The following CHSY1 variants were observed in gnomAD, a reference collection of about 807,000 sequenced individuals.
CHSY1 encodes the protein N-acetylgalactosaminyl-proteoglycan 3-beta-glucuronosyltransferase 1.
CHSY1 carries 13 observed loss-of-function variants against 59.8 expected under a neutral mutation model. The ratio of observed to expected loss-of-function variants is 0.22; its 90% CI spans 0.14 to 0.35. The LOEUF is 0.35. CHSY1 is among the 10% of genes least tolerant of loss of function. The pLI, the probability that CHSY1 is intolerant of heterozygous loss-of-function variation, is 1.00. For synonymous variants in CHSY1, 459 were observed against 401.2 expected, an observed-to-expected ratio of 1.14 and a Z score of -1.72; for missense variants, 947 against 1,030.6, an observed-to-expected ratio of 0.92 and a Z score of 1.11.
intron 2 of CHSY1, among the ~76,000 whole-genome samples, chr15:101,204,039 G>A (rs2038599801): frequency 6.6e-6 from 1 of 152,146 alleles, no homozygotes; most frequent in African/African-American, 2.4e-5. Context: ...TTTGATTACT[G>A]CGTTGTGTTT....
intron 2 of CHSY1, among the ~76,000 whole-genome samples, chr15:101,204,421 C>T (rs901631721): frequency 1.1e-4 from 15 of 141,360 alleles, no homozygotes; most frequent in African/African-American, 2.4e-4. Flanking sequence ...GCAGTAAGAG[C>T]GAAACTCCAT....
intron 2 of CHSY1, among the ~76,000 whole-genome samples, chr15:101,183,171 GA>G (rs1179289541): frequency 1.3e-5 from 2 of 152,036 alleles, no homozygotes; most frequent in Non-Finnish European, 2.9e-5. Flanking sequence ...CAACAGGAGA[GA>G]AAAGTATTCA....
At chr15:101,229,894 G>A (rs535110787) in intron 2 of CHSY1, among the ~76,000 whole-genome samples, 25 of 152,018 alleles carry the variant, frequency 1.6e-4, no homozygotes, top group Admixed American at 1.0e-3. Context: ...GTGACAGAGC[G>A]AGACTCTGCC....
At chr15:101,229,571 C>A (rs1259210495) in intron 2 of CHSY1, among the ~76,000 whole-genome samples, 2 of 152,074 alleles carry the variant, frequency 1.3e-5, no homozygotes, top group African/African-American at 4.8e-5. Context: ...GGAGAAAAAC[C>A]TGACAGAACT....
At chr15:101,190,890 A>G (rs1387532647) in intron 2 of CHSY1, among the ~76,000 whole-genome samples, 2 of 152,208 alleles carry the variant, frequency 1.3e-5, no homozygotes, top group African/African-American at 4.8e-5. Flanking sequence ...GCCACGACAC[A>G]CCTAGTAGAA....
intron 2 of CHSY1, among the ~76,000 whole-genome samples, chr15:101,232,550 G>T (rs1297578993): frequency 2.0e-5 from 3 of 152,178 alleles, no homozygotes; most frequent in African/African-American, 7.2e-5. Context: ...ACATACAGGA[G>T]AAAACATATT....
At chr15:101,234,379 A>G (rs2038919129) in intron 2 of CHSY1, among the ~76,000 whole-genome samples, 1 of 151,794 alleles carries the variant, frequency 6.6e-6, no homozygotes, top group African/African-American at 2.4e-5. Flanking sequence ...CATTATGACC[A>G]GAAGAGAAGA....
Position 101,178,219 on chromosome 15 carries a change from G to C in CHSY1, c.1578C>G (p.His526Gln), listed in dbSNP as rs754944859. 2 of 1,614,206 alleles carry C rather than the reference G, an allele frequency of 1.2e-6. No homozygotes were observed. The highest frequency in any genetic ancestry group is 1.7e-6 in the Non-Finnish European group (2 of 1,180,038). The change falls in exon 3 of 3, where the codon CAC becomes CAG. Residue 526 changes from histidine to glutamine, a missense_variant. Transcript: ENST00000254190. ...TTATCTTTTTATCTTTGGGTTCTTT[G>C]TGCTCACTCTTCGACCCAGGGAGCT... Reference protein sequence around the residue: ...PFQLPGSKSEHKEPKDKKINI... With the variant: ...PFQLPGSKSEQKEPKDKKINI...
At chr15:101,192,394 G>C (rs368272600) in intron 2 of CHSY1, among the ~76,000 whole-genome samples, 1 of 148,762 alleles carries the variant, frequency 6.7e-6, no homozygotes, top group Non-Finnish European at 1.5e-5. Flanking sequence ...CAGGGCCTTT[G>C]CCTGCTCAGA....
chr15:101,232,046 T>C (rs1165518778), intron 2 of CHSY1, among the ~76,000 whole-genome samples: 1 of 152,218 alleles, frequency 6.6e-6, no homozygotes, highest in African/African-American at 2.4e-5. Flanking sequence ...TAACCACCAA[T>C]AATTATCAAA....
chr15:101,248,414 T>G (rs1050220334), intron 1 of CHSY1, among the ~76,000 whole-genome samples: 1 of 152,228 alleles, frequency 6.6e-6, no homozygotes, highest in East Asian at 1.9e-4. Flanking sequence ...GGACCCTAAC[T>G]GGCAGGGCAG....
At chr15:101,189,778 TCTTA>T (rs2038421181) in intron 2 of CHSY1, among the ~76,000 whole-genome samples, 1 of 152,214 alleles carries the variant, frequency 6.6e-6, no homozygotes, top group Admixed American at 6.5e-5. Context: ...TGAAGAAATG[TCTTA>T]CTTAAAAAAC....
chr15:101,177,374 A>T lies in CHSY1; in HGVS notation c.*14T>A. 1 of 1,595,078 alleles carries T rather than the reference A, an allele frequency of 6.3e-7. No homozygotes were observed. The highest frequency in any genetic ancestry group is 8.5e-7 in the Non-Finnish European group (1 of 1,174,638). ...TTAGATAATTAAAAACGTCTTTTCC[A>T]GCAAAGCTGGACATTAGGCTGTCCT... On this transcript the variant is annotated 3_prime_UTR_variant, in exon 3 of 3. Coordinates refer to ENST00000254190, the MANE Select transcript of CHSY1 (RefSeq NM_014918.5).
intron 2 of CHSY1, among the ~76,000 whole-genome samples, chr15:101,184,982 T>C (rs1017354758): frequency 3.3e-5 from 5 of 152,212 alleles, no homozygotes; most frequent in Admixed American, 6.5e-5. Context: ...AAGAGGGTGA[T>C]GCGGGTTTAA....
chr15:101,239,809 C>T lies in CHSY1; in HGVS notation c.321-4232G>A, dbSNP rs77455932. ...GAGGCCTAACTGCAAATTTCACGAG[C>T]ATTTCGCGGTAGAGCACGAGAAACT... On this transcript the variant is annotated intron_variant, in intron 1 of 2. Coordinates refer to ENST00000254190, the MANE Select transcript of CHSY1 (RefSeq NM_014918.5). Among the ~76,000 whole-genome samples, 1,439 of 152,196 alleles carry T rather than the reference C, an allele frequency of 9.5e-3. 23 individuals are homozygous for T. Among genetic ancestry groups the T allele is most frequent in the African/African-American group, 0.033 (1,370 of 41,530 alleles).
At chr15:101,213,302 T>TAAAATCCAAAACACTGATAACACC (rs753787133) in intron 2 of CHSY1, among the ~76,000 whole-genome samples, 2 of 151,840 alleles carry the variant, frequency 1.3e-5, no homozygotes, top group Admixed American at 1.3e-4. Flanking sequence ...TTGCATTTTT[T>TAAAATCCAAAACACTGATAACACC]CTGGGAAGTG....
chr15:101,191,197 C>T (rs1206538836), intron 2 of CHSY1, among the ~76,000 whole-genome samples: 1 of 152,232 alleles, frequency 6.6e-6, no homozygotes, highest in Non-Finnish European at 1.5e-5. Context: ...AATGAATAAA[C>T]TGTGGCACAT....
intron 2 of CHSY1, among the ~76,000 whole-genome samples, chr15:101,220,496 T>C (rs1302015608): frequency 6.6e-6 from 1 of 152,170 alleles, no homozygotes; most frequent in East Asian, 1.9e-4. Context: ...GCAAAATTTA[T>C]CCATTTATCC....
At chr15:101,180,173 T>G (rs749056187) in intron 2 of CHSY1, among the ~76,000 whole-genome samples, 5 of 152,232 alleles carry the variant, frequency 3.3e-5, no homozygotes, top group Non-Finnish European at 7.3e-5. Context: ...TGGGCACTTT[T>G]ATACCTTACT....
Sources: allele counts gnomAD v4.1 joint callset (sites outside exome capture counted in the v4.1 genomes callset), GRCh38; gene constraint gnomAD v4.1.1; transcripts MANE v1.5; gene names NCBI Gene and HGNC (gene_info 2026-07-23, HGNC 2026-07-21).